The following NUP42 variants were observed in gnomAD, a reference collection of about 807,000 sequenced individuals.
The protein encoded by NUP42 is nucleoporin NUP42.
In NUP42, 47 loss-of-function variants were observed where a neutral mutation model predicts 35.9. The ratio of observed to expected loss-of-function variants is 1.31; its 90% CI spans 1.04 to 1.67. The LOEUF is 1.67. NUP42 is among the 40% of genes most tolerant of loss of function. The probability of loss-of-function intolerance (pLI) is 0.00; values close to 1 mark genes in which losing one functional copy is unlikely to be tolerated. For synonymous variants in NUP42, 173 were observed against 173.3 expected, an observed-to-expected ratio of 1.00 and a Z score of 0.01; for missense variants, 514 against 492.2, an observed-to-expected ratio of 1.04 and a Z score of -0.42.
At chr7:23,189,504 A>T (rs1785715676) in intron 3 of NUP42, among the ~76,000 whole-genome samples, 1 of 152,140 alleles carries the variant, frequency 6.6e-6, no homozygotes. Context: ...ACTCTTAGCT[A>T]CTCTGGAGGC....
chr7:23,189,899 T>C (rs1620775), intron 3 of NUP42, among the ~76,000 whole-genome samples: 13,286 of 148,664 alleles, frequency 0.089, 912 homozygotes, highest in African/African-American at 0.19. Context: ...GGTGACAGAG[T>C]GAGACTCTGT....
chr7:23,188,091 G>T, intron 3 of NUP42: 1 of 1,425,702 alleles, frequency 7.0e-7, no homozygotes, highest in South Asian at 1.6e-5. Flanking sequence ...GCCCACTCTG[G>T]GTGTTCCTGG....
chr7:23,189,383 G>A (rs572659900), intron 3 of NUP42, among the ~76,000 whole-genome samples: 14 of 152,252 alleles, frequency 9.2e-5, no homozygotes, highest in South Asian at 2.1e-4. Context: ...GGGAGGCTGC[G>A]GTGGGAGAAT....
intron 3 of NUP42, 172 bp downstream of exon 3, chr7:23,187,318 G>T (rs547796236): frequency 1.5e-5 from 8 of 528,650 alleles, no homozygotes; most frequent in South Asian, 5.6e-5. Context: ...AGAGATTAAG[G>T]TTGGAGAATA....
chr7:23,186,484 T>G (rs1435163798), intron 2 of NUP42, among the ~76,000 whole-genome samples: 1 of 152,190 alleles, frequency 6.6e-6, no homozygotes, highest in African/African-American at 2.4e-5. Flanking sequence ...TACCACAGAT[T>G]AGTTGTATGG....
Position 23,182,136 on chromosome 7 carries a change from G to A in NUP42, c.51G>A (p.Arg17=). The A allele has an allele frequency of 6.2e-7, 1 of 1,614,198 alleles. No individual in the cohort carries two copies. The highest frequency in any genetic ancestry group is 8.5e-7 in the Non-Finnish European group (1 of 1,180,030). The change falls in exon 1 of 7, where the codon CGG becomes CGA. Residue 17 remains arginine (R), a synonymous_variant. Transcript: ENST00000258742. ...AAGGCCGGTGCCGCTTTGGAGATCG[G>A]TGCTGGAACGAACATCCCGGTGCTA... is the stretch of plus-strand genomic sequence containing the variant. ...FLQGRCRFGD[R]CWNEHPGARG...
intron 3 of NUP42, among the ~76,000 whole-genome samples, chr7:23,192,199 C>A (rs1785815622): frequency 6.6e-6 from 1 of 152,054 alleles, no homozygotes; most frequent in South Asian, 2.1e-4. Context: ...AGCTTTGACT[C>A]CCCAAAAGCT....
At chr7:23,193,397 T>G (rs1785882768) in intron 3 of NUP42, among the ~76,000 whole-genome samples, 1 of 152,030 alleles carries the variant, frequency 6.6e-6, no homozygotes, top group Admixed American at 6.6e-5. Flanking sequence ...GCGTTTACAA[T>G]CCCTGAGCTA....
At chr7:23,187,935 T>C (rs1012550393) in intron 3 of NUP42, 43 of 479,200 alleles carry the variant, frequency 9.0e-5, no homozygotes, top group Non-Finnish European at 1.5e-4. Context: ...GAATATTCTC[T>C]GTCTCTCTCT....
chr7:23,184,623 G>T (rs775410276), intron 1 of NUP42, among the ~76,000 whole-genome samples: 1 of 152,186 alleles, frequency 6.6e-6, no homozygotes, highest in Non-Finnish European at 1.5e-5. Flanking sequence ...TGAAGAGATT[G>T]TCATTTAAAA....
At chr7:23,183,776 AAAGG>A (rs1254328959) in intron 1 of NUP42, among the ~76,000 whole-genome samples, 2 of 148,824 alleles carry the variant, frequency 1.3e-5, no homozygotes, top group Non-Finnish European at 3.0e-5. Context: ...AAAAAAAAAA[AAAGG>A]AGGAAGTGAG....
chr7:23,184,945 A>G (rs1001683454), intron 1 of NUP42, 125 bp from the exon 2 acceptor site: 1 of 738,170 alleles, frequency 1.4e-6, no homozygotes, highest in Non-Finnish European at 2.2e-6. Context: ...GGTTGAGGTT[A>G]CAGTGAGCCA....
chr7:23,196,594 G>C (rs1786019695), intron 4 of NUP42, 86 bp from the exon 5 acceptor site: 1 of 963,548 alleles, frequency 1.0e-6, no homozygotes, highest in African/African-American at 1.7e-5. Flanking sequence ...TTGTGATTTT[G>C]GCAAAGAAGT....
At chr7:23,192,664 G>A (rs1197369664) in intron 3 of NUP42, among the ~76,000 whole-genome samples, 1 of 152,102 alleles carries the variant, frequency 6.6e-6, no homozygotes, top group Non-Finnish European at 1.5e-5. Flanking sequence ...ATGTTGAGTA[G>A]CAGAGGGATA....
rs746397799 is a variant in NUP42 at position 23,200,528 on chromosome 7, C to T, written c.1055C>T (p.Ser352Phe). 6.2e-7 allele frequency: 1 copy of T among 1,614,122 alleles called. No homozygotes were observed. The highest frequency in any genetic ancestry group is 1.1e-5 in the South Asian group (1 of 91,076). The change falls in exon 7 of 7, where the codon TCT becomes TTT. Residue 352 changes from serine to phenylalanine, a missense_variant. Physicochemically the swap from Ser to Phe is radical, Grantham distance 155. Coordinates refer to ENST00000258742, the MANE Select transcript of NUP42 (RefSeq NM_007342.3). ...GGTTTTGGTAGTCCGGGCTCACATT[C>T]TCACACTGCTTTTTCTAAGCCATCC... ...VAGFGSPGSH[S>F]HTAFSKPSSD...
At chr7:23,188,009 T>TTA (rs1554295683) in intron 3 of NUP42, 1 of 1,067,950 alleles carries the variant, frequency 9.4e-7, no homozygotes, top group African/African-American at 1.7e-5. Context: ...TATTTTTTAT[T>TTA]TTTATTTTTT....
chr7:23,189,037 T>C (rs1248175073), intron 3 of NUP42, among the ~76,000 whole-genome samples: 1 of 152,210 alleles, frequency 6.6e-6, no homozygotes, highest in Non-Finnish European at 1.5e-5. Context: ...TGTGACAAAA[T>C]GGGAAGCACA....
At chr7:23,197,290 TAAG>T (rs1232976713) in intron 5 of NUP42, 3 of 914,698 alleles carry the variant, frequency 3.3e-6, no homozygotes, top group Middle Eastern at 5.4e-4. Flanking sequence ...AAAAAGTTCT[TAAG>T]AATTTTATTT....
intron 1 of NUP42, chr7:23,182,490 G>A (rs999452440): frequency 5.9e-6 from 7 of 1,191,524 alleles, no homozygotes; most frequent in Admixed American, 3.8e-5. Flanking sequence ...TACCTTGTAG[G>A]TAAATGCCGG....
Sources: allele counts gnomAD v4.1 joint callset (sites outside exome capture counted in the v4.1 genomes callset), GRCh38; gene constraint gnomAD v4.1.1; transcripts MANE v1.5; gene names NCBI Gene and HGNC (gene_info 2026-07-23, HGNC 2026-07-21).